Variants in SLC24A2 observed in about 807,000 individuals in gnomAD.
SLC24A2 encodes solute carrier family 24 member 2, also known as sodium/potassium/calcium exchanger 2.
In SLC24A2, 36 loss-of-function variants were observed where a neutral mutation model predicts 62.0. That is an observed-to-expected ratio of 0.58 (90% CI 0.44 to 0.77). The LOEUF (loss-of-function observed/expected upper bound fraction) is 0.77. SLC24A2 is among the 30% of genes least tolerant of loss of function. SLC24A2 has a pLI of 0.00. For missense variants in SLC24A2, 846 were observed against 817.9 expected, an observed-to-expected ratio of 1.03 and a Z score of -0.42; for synonymous variants, 358 against 294.0, an observed-to-expected ratio of 1.22 and a Z score of -2.23.
chr9:20,020,415 T>C, the SLC24A2 span, among the ~76,000 whole-genome samples: 1 of 152,294 alleles, frequency 6.6e-6, no homozygotes, highest in East Asian at 1.9e-4. Flanking sequence ...GTTCATGTCC[T>C]TTGCAAGGAC....
At chr9:20,276,847 A>T in the SLC24A2 span, among the ~76,000 whole-genome samples, 1 of 152,358 alleles carries the variant, frequency 6.6e-6, no homozygotes, top group South Asian at 2.1e-4. Context: ...CCTCTGAAGC[A>T]ATGGCCTGAG....
At chr9:19,885,939 T>A in the SLC24A2 span, among the ~76,000 whole-genome samples, 1 of 152,224 alleles carries the variant, frequency 6.6e-6, no homozygotes, top group Non-Finnish European at 1.5e-5. Context: ...CATTCTTTTT[T>A]ATGACTGCAT....
At chr9:20,248,472 C>G in the SLC24A2 span, among the ~76,000 whole-genome samples, 2 of 152,130 alleles carry the variant, frequency 1.3e-5, no homozygotes, top group Non-Finnish European at 2.9e-5. Context: ...GGCCCTTTTC[C>G]TGGTTTTTAG....
At chr9:19,991,029 TATACACAC>T in the SLC24A2 span, among the ~76,000 whole-genome samples, 1 of 89,994 alleles carries the variant, frequency 1.1e-5, no homozygotes, top group Non-Finnish European at 2.3e-5. Context: ...CACACACATA[TATACACAC>T]ATACATACAT....
chr9:20,257,785 A>C, the SLC24A2 span, among the ~76,000 whole-genome samples: 1 of 152,330 alleles, frequency 6.6e-6, no homozygotes, highest in African/African-American at 2.4e-5. Context: ...GGCACATAGC[A>C]AACCCTCAAT....
chr9:20,302,389 G>T, the SLC24A2 span, among the ~76,000 whole-genome samples: 1 of 152,182 alleles, frequency 6.6e-6, no homozygotes, highest in Non-Finnish European at 1.5e-5. Flanking sequence ...ATCCTTGTCA[G>T]CATTTAGTGT....
At chr9:19,675,018 G>A (rs1413200609) in intron 2 of SLC24A2, among the ~76,000 whole-genome samples, 2 of 152,152 alleles carry the variant, frequency 1.3e-5, no homozygotes, top group South Asian at 2.1e-4. Flanking sequence ...CTCAAGGGCT[G>A]CTCTTCAGAT....
At chr9:19,902,764 A>G in the SLC24A2 span, among the ~76,000 whole-genome samples, 1 of 152,362 alleles carries the variant, frequency 6.6e-6, no homozygotes, top group South Asian at 2.1e-4. Context: ...CAGGAATAAG[A>G]GGTAATCACT....
At position 19,510,482 on chromosome 9, in the gene SLC24A2, G is replaced by A. The variant is rs182661235; in HGVS notation, c.*5671C>T. ...AAAAGTTAAGTCATTAAGTGGATGG[G>A]TTTGGGTTAACTTGGAGGGAGGCTT... On this transcript the variant is annotated 3_prime_UTR_variant, in exon 11 of 11. Transcript: ENST00000341998. 2.0e-5 allele frequency: 3 copies of A among 150,286 alleles called. No homozygotes were observed. Among genetic ancestry groups the A allele is most frequent in the East Asian group, 3.9e-4 (2 of 5,104 alleles). 9.3% of individuals were successfully genotyped at this position (150,286 alleles called of 1,614,324 possible).
At chr9:20,047,929 C>A in the SLC24A2 span, among the ~76,000 whole-genome samples, 26,436 of 151,616 alleles carry the variant, frequency 0.17, 3,834 homozygotes, top group East Asian at 0.68. Context: ...TAATAGTAGT[C>A]GTAGGCAGAT....
At chr9:19,980,158 GA>G in the SLC24A2 span, among the ~76,000 whole-genome samples, 21 of 152,292 alleles carry the variant, frequency 1.4e-4, no homozygotes, top group East Asian at 1.2e-3. Flanking sequence ...TTACATGGTG[GA>G]AAAGGAGAGA....
At chr9:19,582,085 C>T (rs1197800427) in intron 5 of SLC24A2, among the ~76,000 whole-genome samples, 1 of 152,118 alleles carries the variant, frequency 6.6e-6, no homozygotes, top group African/African-American at 2.4e-5. Context: ...AGAGTACCAG[C>T]TGAGTGTCCT....
At chr9:20,021,528 T>C in the SLC24A2 span, among the ~76,000 whole-genome samples, 1 of 151,956 alleles carries the variant, frequency 6.6e-6, no homozygotes, top group African/African-American at 2.4e-5. Context: ...CTGGAATACT[T>C]TCCATGGGAA....
chr9:19,915,775 T>G, the SLC24A2 span, among the ~76,000 whole-genome samples: 46 of 152,216 alleles, frequency 3.0e-4, no homozygotes, highest in African/African-American at 1.1e-3. Flanking sequence ...CATCTTTTAA[T>G]TGGGTTATTT....
the SLC24A2 span, among the ~76,000 whole-genome samples, chr9:19,799,067 T>C: frequency 6.6e-6 from 1 of 152,180 alleles, no homozygotes; most frequent in African/African-American, 2.4e-5. Context: ...TAACTCTTTT[T>C]AAAAATAGGT....
the SLC24A2 span, among the ~76,000 whole-genome samples, chr9:19,962,041 C>T: frequency 3.9e-5 from 6 of 152,216 alleles, no homozygotes; most frequent in Non-Finnish European, 8.8e-5. Context: ...TAATAGATAG[C>T]TAATATATCA....
chr9:19,617,053 G>C (rs116562005), intron 4 of SLC24A2, among the ~76,000 whole-genome samples: 2,010 of 152,190 alleles, frequency 0.013, 41 homozygotes, highest in African/African-American at 0.046. Context: ...GTAGACCAGC[G>C]GTCCCCAAGC....
the SLC24A2 span, chr9:19,927,316 T>C: frequency 6.6e-6 from 1 of 152,266 alleles, no homozygotes; most frequent in African/African-American, 2.4e-5. Flanking sequence ...TAAGCTCGCC[T>C]GCCTAGGTTT....
chr9:19,556,610 G>T (rs1835097769), intron 7 of SLC24A2, among the ~76,000 whole-genome samples: 1 of 152,166 alleles, frequency 6.6e-6, no homozygotes. Context: ...GCTTGATTCA[G>T]GCTGGGAGTG....
Sources: gnomAD v4.1 joint callset for allele counts (sites outside exome capture counted in the v4.1 genomes callset) on GRCh38, gnomAD v4.1.1 for gene constraint, MANE v1.5 for transcripts, NCBI Gene and HGNC (gene_info 2026-07-23, HGNC 2026-07-21) for gene names.